Variants in CCDC62 observed in about 807,000 individuals in gnomAD.
CCDC62 encodes the protein coiled-coil domain-containing protein 62.
CCDC62 carries 72 observed loss-of-function variants against 80.8 expected under a neutral mutation model. That is an observed-to-expected ratio of 0.89 (90% confidence interval 0.74 to 1.08). CCDC62 has a LOEUF of 1.08. Ranked by LOEUF, CCDC62 falls within the 50% of genes least tolerant of loss-of-function variation. CCDC62 has a pLI of 0.00. For synonymous variants in CCDC62, 286 were observed against 296.5 expected, an observed-to-expected ratio of 0.96 and a Z score of 0.36; for missense variants, 704 against 809.4, an observed-to-expected ratio of 0.87 and a Z score of 1.58.
At chr12:122,786,412 T>A (rs1232906058) in intron 4 of CCDC62, among the ~76,000 whole-genome samples, 1 of 151,804 alleles carries the variant, frequency 6.6e-6, no homozygotes, top group Non-Finnish European at 1.5e-5. Context: ...CCTCCCAAAG[T>A]GCTGGGATTA....
intron 11 of CCDC62, among the ~76,000 whole-genome samples, chr12:122,820,972 G>A (rs1456402435): frequency 6.6e-6 from 1 of 152,150 alleles, no homozygotes; most frequent in Non-Finnish European, 1.5e-5. Flanking sequence ...GGATCCCGGG[G>A]TGGCTGGAAT....
chr12:122,783,100 C>T (rs548613386), intron 3 of CCDC62, among the ~76,000 whole-genome samples: 1 of 136,448 alleles, frequency 7.3e-6, no homozygotes, highest in South Asian at 2.5e-4. Flanking sequence ...GAGCGAGACT[C>T]CTTGTCAAAA....
At position 122,795,042 on chromosome 12, in the gene CCDC62, G is replaced by A. The variant is rs1033190147; in HGVS notation, c.773-2265G>A. ...GTCAAGTGCTATGGCTAAATGTCAC[G>A]ATTTTTTTTGTTTTTGTTTTTTTTC... On this transcript the variant is annotated intron_variant, in intron 6 of 12. Coordinates refer to ENST00000253079, the MANE Select transcript of CCDC62 (RefSeq NM_201435.5). Among the ~76,000 whole-genome samples the A allele has an allele frequency of 3.9e-5, 6 of 152,086 alleles. No individual in the cohort carries two copies. In the Middle Eastern group the frequency reaches 0.01, roughly 259 times the overall value.
chr12:122,802,266 A>G (rs1321297430), intron 9 of CCDC62, among the ~76,000 whole-genome samples: 1 of 152,112 alleles, frequency 6.6e-6, no homozygotes, highest in East Asian at 1.9e-4. Context: ...GGCATTACCT[A>G]GACCCCATAT....
intron 6 of CCDC62, among the ~76,000 whole-genome samples, chr12:122,794,332 C>T (rs1055826440): frequency 6.6e-6 from 1 of 151,998 alleles, no homozygotes; most frequent in Non-Finnish European, 1.5e-5. Flanking sequence ...GTAGGTGGGA[C>T]CACAGGCACA....
intron 1 of CCDC62, 161 bp from the exon 2 acceptor site, chr12:122,777,330 T>C: frequency 1.7e-6 from 1 of 598,436 alleles, no homozygotes; most frequent in Non-Finnish European, 2.9e-6. Flanking sequence ...AACTTGAACA[T>C]GTTTTAAGTA....
chr12:122,776,971 T>C (rs1008687928), intron 1 of CCDC62: 1 of 153,142 alleles, frequency 6.5e-6, no homozygotes, highest in African/African-American at 2.4e-5. Context: ...AATTTTTGTA[T>C]TTTTAGTAGA....
At position 122,801,115 on chromosome 12, in the gene CCDC62, C is replaced by A; in HGVS notation, c.978-9C>A. 1 of 1,582,890 alleles carries A rather than the reference C, an allele frequency of 6.3e-7. No homozygotes were observed. Among genetic ancestry groups the A allele is most frequent in the Admixed American group, 1.9e-5 (1 of 51,602 alleles). ...TATAACCTCCATTTTTTTTCTAATG[C>A]CACCATAGCAGAGACATGTGTTTAT... On this transcript the variant is annotated splice_polypyrimidine_tract_variant and intron_variant, in intron 8 of 12. Transcript: ENST00000253079.
At chr12:122,823,722 G>A (rs1468311653) in intron 12 of CCDC62, among the ~76,000 whole-genome samples, 2 of 149,860 alleles carry the variant, frequency 1.3e-5, no homozygotes, top group African/African-American at 4.9e-5. Flanking sequence ...AAAAAAAAAG[G>A]CCGGGCGTGG....
intron 10 of CCDC62, among the ~76,000 whole-genome samples, chr12:122,807,461 G>A (rs1055379441): frequency 2.1e-5 from 3 of 145,948 alleles, no homozygotes; most frequent in Non-Finnish European, 4.5e-5. Flanking sequence ...AAACCAGGAG[G>A]CAGAGTTTGC....
At chr12:122,790,638 A>AT in intron 5 of CCDC62, among the ~76,000 whole-genome samples, 1 of 152,262 alleles carries the variant, frequency 6.6e-6, no homozygotes, top group East Asian at 1.9e-4. Flanking sequence ...CCTGGGCAAC[A>AT]GAGCAAGATC....
At position 122,812,438 on chromosome 12, in the gene CCDC62, G is replaced by A. The variant is rs1202348296; in HGVS notation, c.1852-832G>A. ...GCCTAGGCAACAAGAGCAAAACTCC[G>A]TCTCAAAAAAAAAAAAAAGAGGCCG... On this transcript the variant is annotated intron_variant, in intron 10 of 12. Transcript: ENST00000253079. Among the ~76,000 whole-genome samples the A allele has an allele frequency of 3.6e-4, 20 of 55,362 alleles. 1 individual carries two copies. The South Asian group carries it at 7.5e-3, about 21-fold the overall frequency. 36.3% of individuals were successfully genotyped at this position (55,362 alleles called of 152,430 possible).
At chr12:122,813,441 G>A in intron 11 of CCDC62, 22 bp downstream of exon 11, 1 of 1,603,400 alleles carries the variant, frequency 6.2e-7, no homozygotes, top group Non-Finnish European at 8.5e-7. Flanking sequence ...ATTTTCTCTT[G>A]ACTATATTTG....
chr12:122,783,267 G>A (rs1169101927), intron 3 of CCDC62, among the ~76,000 whole-genome samples: 1 of 139,022 alleles, frequency 7.2e-6, no homozygotes, highest in Non-Finnish European at 1.5e-5. Context: ...TCGTTCTGTC[G>A]CCCAGGCTGG....
At chr12:122,815,248 T>C (rs1278848750) in intron 11 of CCDC62, among the ~76,000 whole-genome samples, 1 of 150,788 alleles carries the variant, frequency 6.6e-6, no homozygotes. Context: ...CCAGCTGATG[T>C]TTTTATTTTT....
chr12:122,781,670 A>G (rs1879877473), intron 3 of CCDC62, among the ~76,000 whole-genome samples: 1 of 151,104 alleles, frequency 6.6e-6, no homozygotes, highest in Non-Finnish European at 1.5e-5. Context: ...GGGCAACAAG[A>G]GCGAAACTCT....
At chr12:122,787,736 C>T (rs866131585) in intron 4 of CCDC62, among the ~76,000 whole-genome samples, 7 of 149,278 alleles carry the variant, frequency 4.7e-5, no homozygotes, top group South Asian at 2.1e-4. Context: ...GGTGACAGAG[C>T]GAGACTTCAT....
At chr12:122,788,959 A>G in intron 5 of CCDC62, 30 bp downstream of exon 5, 1 of 1,512,670 alleles carries the variant, frequency 6.6e-7, no homozygotes, top group Non-Finnish European at 8.9e-7. Flanking sequence ...TTAAGATACA[A>G]ATGTATTATC....
chr12:122,815,983 T>C (rs1474150425), intron 11 of CCDC62, among the ~76,000 whole-genome samples: 1 of 152,170 alleles, frequency 6.6e-6, no homozygotes, highest in Non-Finnish European at 1.5e-5. Flanking sequence ...CAGATTGGTA[T>C]TTTGTTAGAT....
Sources: gnomAD v4.1 joint callset for allele counts (sites outside exome capture counted in the v4.1 genomes callset) on GRCh38, gnomAD v4.1.1 for gene constraint, MANE v1.5 for transcripts, NCBI Gene and HGNC (gene_info 2026-07-23, HGNC 2026-07-21) for gene names.